PEF1: variants seen among roughly 807,000 people sequenced by gnomAD.
The protein encoded by PEF1 is peflin.
Under a neutral mutation model 32.0 loss-of-function variants are expected in PEF1, and 17 were observed. The ratio of observed to expected loss-of-function variants is 0.53; its 90% CI spans 0.36 to 0.80. PEF1 has a LOEUF of 0.80. Among genes scored for constraint, PEF1 ranks in the 30% least tolerant of loss-of-function variants. The pLI is 0.00. For missense variants in PEF1, 362 were observed against 369.1 expected (o/e 0.98, Z 0.16); for synonymous variants, 130 against 139.8 (o/e 0.93, Z 0.50).
intron 1 of PEF1, among the ~76,000 whole-genome samples, chr1:31,643,191 G>A (rs961188164): frequency 6.6e-6 from 1 of 152,218 alleles, no homozygotes; most frequent in Non-Finnish European, 1.5e-5. Context: ...AAAGAAAGCC[G>A]GGAGGCGGAG....
Position 31,630,828 on chromosome 1 carries a change from C to T in PEF1, c.640G>A (p.Gly214Ser). The T allele has an allele frequency of 6.2e-7, 1 of 1,609,460 alleles. No homozygotes were observed. The highest frequency in any genetic ancestry group is 8.5e-7 in the Non-Finnish European group (1 of 1,179,652). The change falls in exon 5 of 5, where the codon GGC becomes AGC. Residue 214 changes from glycine (G) to serine (S), a missense_variant. By Grantham distance (56) the Gly-to-Ser change is moderately conservative. Transcript: ENST00000373703. Reference protein sequence around the residue: ...TELQQALSQMGYNLSPQFTQL... With the variant: ...TELQQALSQMSYNLSPQFTQL... ...GTGAACTGGGGGCTCAGGTTGTAGC[C>T]CATTTGGGACAGAGCTGGAGAAGAG...
At chr1:31,642,657 C>T (rs1275353308) in intron 1 of PEF1, among the ~76,000 whole-genome samples, 1 of 152,166 alleles carries the variant, frequency 6.6e-6, no homozygotes, top group Non-Finnish European at 1.5e-5. Flanking sequence ...ATTTCTTTTT[C>T]TATTCCAGAC....
At chr1:31,643,270 A>G (rs945763659) in intron 1 of PEF1, among the ~76,000 whole-genome samples, 3 of 152,270 alleles carry the variant, frequency 2.0e-5, no homozygotes, top group African/African-American at 7.2e-5. Context: ...TACAATGTAC[A>G]TTAGCAAATT....
chr1:31,642,100 G>GCA (rs1640405399), intron 1 of PEF1, among the ~76,000 whole-genome samples: 1 of 152,222 alleles, frequency 6.6e-6, no homozygotes, highest in African/African-American at 2.4e-5. Flanking sequence ...AGGTGTGGTG[G>GCA]CGTGCGCCTG....
At chr1:31,644,806 C>T (rs767685562) in intron 1 of PEF1, 35 bp downstream of exon 1, 2 of 1,613,660 alleles carry the variant, frequency 1.2e-6, no homozygotes, top group South Asian at 1.1e-5. Flanking sequence ...CTGGCACCGC[C>T]GCTACCTGGA....
chr1:31,632,663 G>A (rs188164548), intron 3 of PEF1, 25 bp from the exon 4 acceptor site: 1 of 1,610,476 alleles, frequency 6.2e-7, no homozygotes, highest in African/African-American at 1.3e-5. Flanking sequence ...GGAAAGGAGG[G>A]GAGGAAGGCT....
In PEF1 at chr1:31,630,856, G is replaced by A. The variant is rs1016119085; in HGVS notation, c.626-14C>T. On this transcript the variant is annotated splice_polypyrimidine_tract_variant and intron_variant, in intron 4 of 4. Transcript: ENST00000373703. ...TTTGGGACAGAGCTGGAGAAGAGGG[G>A]CACACAGACCAGACACACAAAAACC... 4 of 1,588,826 alleles carry A rather than the reference G, an allele frequency of 2.5e-6. No homozygotes were observed. The highest frequency in any genetic ancestry group is 2.6e-6 in the Non-Finnish European group (3 of 1,169,592).
intron 1 of PEF1, among the ~76,000 whole-genome samples, chr1:31,637,968 C>T (rs763000540): frequency 3.3e-5 from 5 of 152,096 alleles, no homozygotes; most frequent in East Asian, 1.9e-4. Flanking sequence ...GTGAACTGTG[C>T]GGGGTGGGGT....
At chr1:31,632,082 C>A (rs1640120585) in intron 4 of PEF1, among the ~76,000 whole-genome samples, 1 of 152,216 alleles carries the variant, frequency 6.6e-6, no homozygotes, top group African/African-American at 2.4e-5. Flanking sequence ...AAGAAACTGT[C>A]CACTAGCAGA....
chr1:31,635,655 T>C, intron 1 of PEF1, 133 bp from the exon 2 acceptor site: 1 of 972,876 alleles, frequency 1.0e-6, no homozygotes, highest in Non-Finnish European at 1.4e-6. Flanking sequence ...AATTATGATC[T>C]CACTGCTCAG....
intron 1 of PEF1, among the ~76,000 whole-genome samples, chr1:31,640,362 G>A (rs1640363372): frequency 6.6e-6 from 1 of 152,036 alleles, no homozygotes; most frequent in African/African-American, 2.4e-5. Context: ...TTCAAGTCAG[G>A]GTCTGCATGA....
intron 1 of PEF1, among the ~76,000 whole-genome samples, chr1:31,643,014 G>C (rs996887307): frequency 3.3e-5 from 5 of 152,138 alleles, no homozygotes; most frequent in Non-Finnish European, 7.3e-5. Flanking sequence ...GTAGATTCCT[G>C]GGTACAGAAC....
Position 31,633,140 on chromosome 1 carries a change from G to C in PEF1, c.481+19C>G, listed in dbSNP as rs1640159489. On this transcript the variant is annotated intron_variant, in intron 3 of 4. Transcript: ENST00000373703. ...TGGCTCTGCCCCAGCTCAGGCCCAA[G>C]GGCAAGGCGGAGACTCACTTATCAT... The C allele has an allele frequency of 5.0e-6, 8 of 1,606,866 alleles. No individual in the cohort carries two copies. Among genetic ancestry groups the C allele is most frequent in the Non-Finnish European group, 6.0e-6 (7 of 1,175,806 alleles).
At position 31,630,751 on chromosome 1, in the gene PEF1, C is replaced by A; in HGVS notation, c.717G>T (p.Gln239His). The A allele has an allele frequency of 6.2e-7, 1 of 1,614,130 alleles. No individual in the cohort carries two copies. Among genetic ancestry groups the A allele is most frequent in the Non-Finnish European group, 8.5e-7 (1 of 1,180,038 alleles). Residue 239 changes from glutamine to histidine, a missense_variant, in exon 5 of 5, where the codon CAG (glutamine) becomes CAT (histidine). Physicochemically the swap from Gln to His is conservative, Grantham distance 24 (BLOSUM62 0). Coordinates refer to ENST00000373703, the MANE Select transcript of PEF1 (RefSeq NM_012392.4). ...TGCACACCTGGATGAAGCGGTCAAGCTGCATGGCAGGATTGGCAGAGCGTG... is the reference window on the plus strand; with the variant it reads ...TGCACACCTGGATGAAGCGGTCAAGATGCATGGCAGGATTGGCAGAGCGTG... Reference protein sequence around the residue: ...YCPRSANPAMQLDRFIQVCTQ... With the variant: ...YCPRSANPAMHLDRFIQVCTQ...
chr1:31,640,309 A>G (rs1640362459), intron 1 of PEF1, among the ~76,000 whole-genome samples: 1 of 152,196 alleles, frequency 6.6e-6, no homozygotes, highest in African/African-American at 2.4e-5. Context: ...AGAGAGTTTA[A>G]TAACATGCCT....
At chr1:31,644,539 G>A in intron 1 of PEF1, 12 of 1,366,574 alleles carry the variant, frequency 8.8e-6, no homozygotes, top group Non-Finnish European at 1.0e-5. Context: ...GCCCCCATGA[G>A]GGCCTTGGGA....
intron 1 of PEF1, among the ~76,000 whole-genome samples, chr1:31,641,896 G>C (rs1455609744): frequency 1.3e-5 from 2 of 152,158 alleles, no homozygotes; most frequent in Non-Finnish European, 1.5e-5. Context: ...TTAATCTTTA[G>C]AGTAATTCTG....
intron 2 of PEF1, 73 bp downstream of exon 2, chr1:31,635,149 G>A (rs1640218710): frequency 1.3e-6 from 2 of 1,562,194 alleles, no homozygotes; most frequent in African/African-American, 2.7e-5. Flanking sequence ...CACACCCACA[G>A]GAAGGACAAA....
Sources: allele counts gnomAD v4.1 joint callset (sites outside exome capture counted in the v4.1 genomes callset), GRCh38; gene constraint gnomAD v4.1.1; transcripts MANE v1.5; gene names NCBI Gene and HGNC (gene_info 2026-07-23, HGNC 2026-07-21).